MALRD1: variants seen among roughly 807,000 people sequenced by gnomAD.
MALRD1 encodes the protein MAM and LDL receptor class A domain containing 1.
Under a neutral mutation model 242.1 loss-of-function variants are expected in MALRD1, and 247 were observed. That is an observed-to-expected ratio of 1.02 (90% confidence interval 0.92 to 1.13). The LOEUF (loss-of-function observed/expected upper bound fraction) is 1.13. MALRD1 is among the 50% of genes most tolerant of loss of function. The pLI is 0.00. For synonymous variants in MALRD1, 995 were observed against 866.6 expected (o/e 1.15, Z -2.60); for missense variants, 2,989 against 2,533.1 (o/e 1.18, Z -3.86).
At chr10:19,395,282 A>G (rs1275594926) in intron 28 of MALRD1, among the ~76,000 whole-genome samples, 2 of 152,166 alleles carry the variant, frequency 1.3e-5, no homozygotes, top group African/African-American at 4.8e-5. Flanking sequence ...TCGTGATGAC[A>G]TGTGCCCAAG....
At position 19,111,088 on chromosome 10, in the gene MALRD1, G is replaced by A. The variant is rs78506448; in HGVS notation, c.694+7013G>A. Among the ~76,000 whole-genome samples the A allele has an allele frequency of 2.4e-3, 365 of 152,230 alleles. 1 individual carries two copies. The highest frequency in any genetic ancestry group is 8.5e-3 in the African/African-American group (352 of 41,530). ...TCTATCTTTGTCTCTGGGAACCAAA[G>A]CCATTTCCCTACTTACCCATGAACT... On this transcript the variant is annotated intron_variant, in intron 5 of 39. Coordinates refer to ENST00000454679, the MANE Select transcript of MALRD1 (RefSeq NM_001142308.3).
chr10:19,619,158 C>T (rs74987775), intron 36 of MALRD1, among the ~76,000 whole-genome samples: 6,091 of 152,056 alleles, frequency 0.04, 373 homozygotes, highest in African/African-American at 0.13. Flanking sequence ...TCTATTTCTC[C>T]AAGCTTTGGA....
In MALRD1 at chr10:19,104,026, C is replaced by T; in HGVS notation, c.645C>T (p.Val215=). The T allele has an allele frequency of 8.1e-7, 1 of 1,233,816 alleles. No homozygotes were observed. The highest frequency in any genetic ancestry group is 1.0e-6 in the Non-Finnish European group (1 of 988,106). The allele number at this position is 1,233,816 out of a possible 1,614,324, so 76.4% of individuals were successfully genotyped here. A position where few individuals can be genotyped will look rare whatever the true frequency, so the allele number is the denominator to read the frequency against. ...QMASTYEQDE[V]IAIDDISFSS... is the part of the protein sequence containing the mutation. ...CTTCAACGTATGAACAGGATGAAGT[C>T]ATTGCTATTGATGATATATCTTTCA... Residue 215 remains valine (V), a synonymous_variant, in exon 5 of 40, where the codon GTC becomes GTT. Transcript: ENST00000454679.
intron 1 of MALRD1, among the ~76,000 whole-genome samples, chr10:19,056,530 T>C (rs1202088393): frequency 6.6e-6 from 1 of 152,184 alleles, no homozygotes; most frequent in Non-Finnish European, 1.5e-5. Context: ...TTTTGTATGT[T>C]GCTTTTGTAT....
intron 5 of MALRD1, among the ~76,000 whole-genome samples, chr10:19,106,533 T>C (rs1403760204): frequency 6.6e-6 from 1 of 151,944 alleles, no homozygotes; most frequent in African/African-American, 2.4e-5. Flanking sequence ...CTTTTTTCCC[T>C]TAATCCAGCT....
In MALRD1 at chr10:19,170,489, C is replaced by T. The variant is rs370400576; in HGVS notation, c.1830+4679C>T. ...GATGGATACCATGTTCTGTCTTTAT[C>T]GGAGTCAATGATATAAATCAATAAC... On this transcript the variant is annotated intron_variant, in intron 13 of 39. Transcript: ENST00000454679. Among the ~76,000 whole-genome samples the T allele has an allele frequency of 5.5e-4, 84 of 152,200 alleles. 2 individuals carry two copies. Among genetic ancestry groups the T allele is most frequent in the African/African-American group, 2.0e-3 (84 of 41,556 alleles).
At chr10:19,097,164 A>T (rs1295142209) in intron 4 of MALRD1, among the ~76,000 whole-genome samples, 1 of 152,228 alleles carries the variant, frequency 6.6e-6, no homozygotes. Flanking sequence ...AGGTAGAAAG[A>T]TGATTTACTT....
chr10:19,282,353 A>T (rs1490969126), intron 20 of MALRD1, among the ~76,000 whole-genome samples: 1 of 152,210 alleles, frequency 6.6e-6, no homozygotes, highest in Non-Finnish European at 1.5e-5. Flanking sequence ...TATTAATGTC[A>T]CTTAAAAGCT....
chr10:19,338,973 CTA>C (rs1358871344), intron 24 of MALRD1, among the ~76,000 whole-genome samples: 6 of 147,694 alleles, frequency 4.1e-5, no homozygotes, highest in African/African-American at 1.0e-4. Flanking sequence ...ATATATACAA[CTA>C]TGTGTATATA....
chr10:19,677,061 A>G lies in MALRD1; in HGVS notation c.6138-15221A>G, dbSNP rs562092467. Among the ~76,000 whole-genome samples, 343 of 151,992 alleles carry G rather than the reference A, an allele frequency of 2.3e-3. 4 individuals carry two copies. Among genetic ancestry groups the G allele is most frequent in the African/African-American group, 7.6e-3 (314 of 41,430 alleles). On this transcript the variant is annotated intron_variant, in intron 36 of 39. Coordinates refer to ENST00000454679, the MANE Select transcript of MALRD1 (RefSeq NM_001142308.3). ...TGTACCACATTTTTTTTTCTAGTCT[A>G]TCATTGATAGGCATTTGGGTTGACT...
At chr10:19,559,771 G>A (rs1407748448) in intron 32 of MALRD1, among the ~76,000 whole-genome samples, 2 of 151,922 alleles carry the variant, frequency 1.3e-5, no homozygotes, top group Admixed American at 6.6e-5. Flanking sequence ...GAATCTACAA[G>A]AAAGTTAAAC....
intron 29 of MALRD1, among the ~76,000 whole-genome samples, chr10:19,457,609 G>C (rs1267424610): frequency 1.3e-5 from 2 of 151,690 alleles, no homozygotes; most frequent in African/African-American, 4.8e-5. Context: ...GGCTGTTCTA[G>C]AACGTCCCTT....
At chr10:19,706,418 C>T (rs1320540167) in intron 38 of MALRD1, among the ~76,000 whole-genome samples, 1 of 152,016 alleles carries the variant, frequency 6.6e-6, no homozygotes, top group Non-Finnish European at 1.5e-5. Flanking sequence ...ACCTCTGCCC[C>T]CGCCCCCCTT....
At chr10:19,259,193 T>C (rs1212593232) in intron 19 of MALRD1, among the ~76,000 whole-genome samples, 1 of 152,144 alleles carries the variant, frequency 6.6e-6, no homozygotes, top group African/African-American at 2.4e-5. Flanking sequence ...CTCAAACTAA[T>C]GATAGCTTCC....
intron 21 of MALRD1, among the ~76,000 whole-genome samples, chr10:19,286,851 G>A (rs1031940835): frequency 6.6e-6 from 1 of 150,502 alleles, no homozygotes; most frequent in Non-Finnish European, 1.5e-5. Flanking sequence ...ACCAAAGCCG[G>A]GCAGAGACAC....
At chr10:19,243,558 AT>A (rs879731825) in intron 18 of MALRD1, among the ~76,000 whole-genome samples, 31 of 151,344 alleles carry the variant, frequency 2.0e-4, no homozygotes, top group South Asian at 8.4e-4. Context: ...TAATTCTTTG[AT>A]TTTTTTTTCT....
At chr10:19,404,599 T>C (rs941077858) in intron 28 of MALRD1, among the ~76,000 whole-genome samples, 2 of 152,082 alleles carry the variant, frequency 1.3e-5, no homozygotes, top group African/African-American at 4.8e-5. Flanking sequence ...GATCATTGAG[T>C]AGGAAAACAA....
At chr10:19,137,942 C>G (rs1490899508) in intron 10 of MALRD1, among the ~76,000 whole-genome samples, 1 of 152,126 alleles carries the variant, frequency 6.6e-6, no homozygotes, top group African/African-American at 2.4e-5. Flanking sequence ...TATTTTACTG[C>G]AGTGTCTTAT....
intron 10 of MALRD1, among the ~76,000 whole-genome samples, chr10:19,145,969 G>C (rs146136664): frequency 6.6e-6 from 1 of 152,236 alleles, no homozygotes; most frequent in East Asian, 1.9e-4. Context: ...CAACCAGAAT[G>C]AAATGTACCA....
Sources: gnomAD v4.1 joint callset for allele counts (sites outside exome capture counted in the v4.1 genomes callset) on GRCh38, gnomAD v4.1.1 for gene constraint, MANE v1.5 for transcripts, NCBI Gene and HGNC (gene_info 2026-07-23, HGNC 2026-07-21) for gene names.